Variants in BTD observed in about 807,000 individuals in gnomAD.
The protein encoded by BTD is biocytinase.
In BTD, 13 loss-of-function variants were observed where a neutral mutation model predicts 17.7. The ratio of observed to expected loss-of-function variants is 0.74; its 90% CI spans 0.48 to 1.17. BTD has a LOEUF of 1.17. BTD is among the 50% of genes most tolerant of loss of function. The probability of loss-of-function intolerance (pLI) is 0.00; values close to 1 mark genes in which losing one functional copy is unlikely to be tolerated. For synonymous variants in BTD, 240 were observed against 245.2 expected (o/e 0.98, Z 0.20); for missense variants, 674 against 650.4 (o/e 1.04, Z -0.39).
At chr3:15,697,218 A>G (rs894193163) in intron 3 of BTD, 14 of 152,482 alleles carry the variant, frequency 9.2e-5, no homozygotes, top group South Asian at 2.1e-4. Context: ...GTTCTCGCTC[A>G]TAAGTGGGAG....
downstream of BTD, among the ~76,000 whole-genome samples, chr3:15,657,989 G>T (rs1205735380): frequency 6.6e-6 from 1 of 152,010 alleles, no homozygotes; most frequent in Non-Finnish European, 1.5e-5. Flanking sequence ...CCAACGTGGT[G>T]AAAACCCATC....
At chr3:15,683,301 A>G (rs968500944) in intron 3 of BTD, among the ~76,000 whole-genome samples, 1 of 152,196 alleles carries the variant, frequency 6.6e-6, no homozygotes, top group East Asian at 1.9e-4. Flanking sequence ...ACTATATTAG[A>G]TATTTTGGGT....
downstream of BTD, among the ~76,000 whole-genome samples, chr3:15,714,818 A>G (rs571317419): frequency 6.6e-6 from 1 of 152,332 alleles, no homozygotes; most frequent in South Asian, 2.1e-4. Context: ...AAAATTAGGA[A>G]TTAATTTTTT....
In BTD at chr3:15,635,743, A is replaced by T; in HGVS notation, c.249+55A>T. 6.2e-7 allele frequency: 1 copy of T among 1,612,072 alleles called. No homozygotes were observed. Among genetic ancestry groups the T allele is most frequent in the Non-Finnish European group, 8.5e-7 (1 of 1,179,464 alleles). On this transcript the variant is annotated intron_variant, in intron 2 of 3. Coordinates refer to ENST00000643237, the MANE Select transcript of BTD (RefSeq NM_001370658.1). This position sits in a 1 kb window ranked among gnomAD's most constrained non-coding sequence, Gnocchi z 4.1. ...TCTCATACAGAGCAGATTGCTCTTT[A>T]CCCCTTGATCAGTGGTTGGGTAATC...
At chr3:15,658,028 C>T (rs1382278080), downstream of BTD, among the ~76,000 whole-genome samples, 1 of 152,030 alleles carries the variant, frequency 6.6e-6, no homozygotes, top group African/African-American at 2.4e-5. Context: ...GTTAGCTGGG[C>T]ATGGTGGTGC....
chr3:15,663,296 C>A (rs995646463), intron 3 of BTD, among the ~76,000 whole-genome samples: 6 of 152,190 alleles, frequency 3.9e-5, no homozygotes, highest in Non-Finnish European at 7.3e-5. Flanking sequence ...GCCTGGCCTA[C>A]AGTCTTCTTA....
chr3:15,711,284 T>G, exon 4 of BTD: 1 of 1,598,226 alleles, frequency 6.3e-7, no homozygotes, highest in Non-Finnish European at 8.6e-7. Context: ...CCTACAAGAA[T>G]GAATACATCT....
At chr3:15,625,897 A>G (rs1038485894) in intron 1 of BTD, among the ~76,000 whole-genome samples, 7 of 152,152 alleles carry the variant, frequency 4.6e-5, no homozygotes, top group African/African-American at 1.7e-4. Context: ...AAAGCCTTCC[A>G]AAGTGTTTGT....
upstream of BTD, chr3:15,601,542 A>T (rs889738508): frequency 1.2e-6 from 2 of 1,605,428 alleles, no homozygotes. Flanking sequence ...CGAAATCGGC[A>T]GCACGCCACC....
chr3:15,679,192 A>T, intron 3 of BTD: 1 of 1,025,666 alleles, frequency 9.7e-7, no homozygotes, highest in South Asian at 1.4e-5. Flanking sequence ...CTGGTCTTAA[A>T]CTCCTGGCTT....
At chr3:15,721,250 T>A in intron 4 of BTD, 1 of 793,328 alleles carries the variant, frequency 1.3e-6, no homozygotes, top group Non-Finnish European at 2.1e-6. Flanking sequence ...ACAAGATAAG[T>A]ACAGAGATAA....
At chr3:15,640,670 C>T (rs1223225613) in intron 2 of BTD, among the ~76,000 whole-genome samples, 5 of 152,062 alleles carry the variant, frequency 3.3e-5, no homozygotes, top group Non-Finnish European at 7.4e-5. Context: ...GGATTACAGG[C>T]GTGAACTGCC....
At chr3:15,706,537 T>A (rs537224429) in intron 3 of BTD, among the ~76,000 whole-genome samples, 1 of 152,134 alleles carries the variant, frequency 6.6e-6, no homozygotes, top group Non-Finnish European at 1.5e-5. Flanking sequence ...GTGAATAGTG[T>A]CACAATAAAC....
chr3:15,689,342 G>T (rs2068512589), intron 3 of BTD, among the ~76,000 whole-genome samples: 1 of 152,310 alleles, frequency 6.6e-6, no homozygotes, highest in South Asian at 2.1e-4. Context: ...CTGGAGAAAT[G>T]CCTTCAAAGA....
At chr3:15,605,264 C>T (rs1053172449) in intron 1 of BTD, among the ~76,000 whole-genome samples, 8 of 152,192 alleles carry the variant, frequency 5.3e-5, no homozygotes, top group African/African-American at 1.2e-4. Flanking sequence ...AGCAAAGGCA[C>T]GTCTTACATG....
downstream of BTD, among the ~76,000 whole-genome samples, chr3:15,657,032 A>G (rs139241507): frequency 5.8e-3 from 878 of 152,318 alleles, 10 homozygotes; most frequent in African/African-American, 0.02. Context: ...TTGACAGGGC[A>G]GCTGGAAGGC....
downstream of BTD, among the ~76,000 whole-genome samples, chr3:15,656,405 G>A (rs1040622604): frequency 6.6e-6 from 1 of 152,164 alleles, no homozygotes; most frequent in African/African-American, 2.4e-5. Context: ...TAGCCAGTCA[G>A]GTCAGCTCAG....
At position 15,601,908 on chromosome 3, in the gene BTD, G is replaced by T. The variant is rs549893744; in HGVS notation, c.-17+14G>T. 12 of 1,613,206 alleles carry T rather than the reference G, an allele frequency of 7.4e-6. No homozygotes were observed. Among genetic ancestry groups the T allele is most frequent in the Non-Finnish European group, 9.3e-6 (11 of 1,180,014 alleles). On this transcript the variant is annotated intron_variant, in intron 1 of 3. Transcript: ENST00000643237. ...CGCTAAGAGCAGGTACGGAGGGGGC[G>T]TGGTGCGGCGCGGAGGGGGTGTGGT...
At chr3:15,704,824 A>G (rs1445762877) in intron 3 of BTD, among the ~76,000 whole-genome samples, 1 of 152,200 alleles carries the variant, frequency 6.6e-6, no homozygotes, top group Admixed American at 6.5e-5. Flanking sequence ...TATATTTTCC[A>G]CTAGGCTCCC....
Sources: allele counts gnomAD v4.1 joint callset (sites outside exome capture counted in the v4.1 genomes callset), GRCh38; gene constraint gnomAD v4.1.1; non-coding constraint Gnocchi (gnomAD v3.1); transcripts MANE v1.5; gene names NCBI Gene and HGNC (gene_info 2026-07-23, HGNC 2026-07-21).